Variants in ANXA4 observed in about 807,000 individuals in gnomAD.
ANXA4 encodes the protein annexin A4, also known as 35-beta calcimedin.
Under a neutral mutation model 49.8 loss-of-function variants are expected in ANXA4, and 39 were observed. The ratio of observed to expected loss-of-function variants is 0.78; its 90% CI spans 0.61 to 1.02. The LOEUF (loss-of-function observed/expected upper bound fraction) is 1.02. ANXA4 is among the 50% of genes least tolerant of loss of function. ANXA4 has a pLI of 0.00. For missense variants in ANXA4, 360 were observed against 410.1 expected (o/e 0.88, Z 1.05); for synonymous variants, 134 against 152.5 (o/e 0.88, Z 0.89).
At chr2:69,735,527 C>T (rs1329556205) in intron 3 of ANXA4, among the ~76,000 whole-genome samples, 1 of 152,072 alleles carries the variant, frequency 6.6e-6, no homozygotes, top group Non-Finnish European at 1.5e-5. Flanking sequence ...CCTTGTCTCT[C>T]AACTTGTTGG....
intron 2 of ANXA4, among the ~76,000 whole-genome samples, chr2:69,671,025 C>CAA (rs762968256): frequency 7.1e-3 from 226 of 32,014 alleles, no homozygotes; most frequent in Non-Finnish European, 7.8e-3. Context: ...GACTCCATCT[C>CAA]AAAAAAAAAA....
In ANXA4 at chr2:69,826,408, T is replaced by C. The variant is rs557411341; in HGVS notation, c.*893T>C. On this transcript the variant is annotated 3_prime_UTR_variant, in exon 13 of 13. Transcript: ENST00000394295. ...TTCTATTTGCACTGTGCCTTTCAAC[T>C]CCAGAAACATTCTGAAGATGTACTT... The C allele has an allele frequency of 6.5e-6, 1 of 152,770 alleles. No individual in the cohort carries two copies. Among genetic ancestry groups the C allele is most frequent in the East Asian group, 1.9e-4 (1 of 5,192 alleles). The allele number at this position is 152,770 out of a possible 1,614,324, so 9.5% of individuals were successfully genotyped here.
Position 69,804,596 on chromosome 2 carries a change from T to C in ANXA4, c.161T>C (p.Ile54Thr). The C allele has an allele frequency of 6.2e-7, 1 of 1,613,782 alleles. No individual in the cohort carries two copies. Among genetic ancestry groups the C allele is most frequent in the Non-Finnish European group, 8.5e-7 (1 of 1,179,878 alleles). ...AYRNTAQRQEIRTAYKSTIGR... is the reference protein window; with the variant it reads ...AYRNTAQRQETRTAYKSTIGR... ...CGCAACACCGCCCAGCGCCAGGAGA[T>C]CAGGACAGCCTACAAGAGCACCATC... Residue 54 changes from isoleucine to threonine, a missense_variant, in exon 4 of 13, where the codon ATC (isoleucine) becomes ACC (threonine). Physicochemically the swap from Ile to Thr is moderately conservative, Grantham distance 89. Coordinates refer to ENST00000394295, the MANE Select transcript of ANXA4 (RefSeq NM_001153.5).
intron 1 of ANXA4, chr2:69,781,223 A>G (rs1290592075): frequency 2.6e-6 from 1 of 385,880 alleles, no homozygotes; most frequent in Non-Finnish European, 4.8e-6. Context: ...GTCCAGCTTG[A>G]GTACAAGTAT....
chr2:69,657,484 A>G (rs1243300746), intron 2 of ANXA4, among the ~76,000 whole-genome samples: 1 of 152,046 alleles, frequency 6.6e-6, no homozygotes, highest in African/African-American at 2.4e-5. Flanking sequence ...TATTCGATGG[A>G]CTATATTCAC....
chr2:69,818,653 C>T lies in ANXA4; in HGVS notation c.683C>T (p.Ser228Phe). 6.2e-7 allele frequency: 1 copy of T among 1,610,170 alleles called. No individual in the cohort carries two copies. Among genetic ancestry groups the T allele is most frequent in the Non-Finnish European group, 8.5e-7 (1 of 1,177,828 alleles). Residue 228 changes from serine (S) to phenylalanine (F), a missense_variant, in exon 10 of 13, where the codon TCT becomes TTT. Physicochemically the swap from Ser to Phe is radical, Grantham distance 155. Coordinates refer to ENST00000394295, the MANE Select transcript of ANXA4 (RefSeq NM_001153.5). ...AAGGATATTGAACAGAGTATTAAAT[C>T]TGAAACATCTGGTAGCTTTGAAGAT... ...SQKDIEQSIK[S>F]ETSGSFEDAL...
chr2:69,698,640 G>A (rs1055624335), intron 2 of ANXA4, among the ~76,000 whole-genome samples: 8 of 152,124 alleles, frequency 5.3e-5, no homozygotes, highest in African/African-American at 1.9e-4. Flanking sequence ...TAGGTGGGGC[G>A]GGGCAGGACT....
At chr2:69,687,812 A>G (rs1454090021) in intron 2 of ANXA4, among the ~76,000 whole-genome samples, 1 of 152,140 alleles carries the variant, frequency 6.6e-6, no homozygotes, top group Non-Finnish European at 1.5e-5. Context: ...TCAATTTTAT[A>G]TCTAATCTTA....
At chr2:69,650,928 A>G (rs1676209269) in intron 1 of ANXA4, among the ~76,000 whole-genome samples, 1 of 152,174 alleles carries the variant, frequency 6.6e-6, no homozygotes, top group African/African-American at 2.4e-5. Context: ...TCATTTATTT[A>G]TTCATCAGTT....
intron 2 of ANXA4, among the ~76,000 whole-genome samples, chr2:69,783,259 C>T (rs1247349492): frequency 6.6e-6 from 1 of 151,538 alleles, no homozygotes; most frequent in Non-Finnish European, 1.5e-5. Context: ...AATCTGTTGC[C>T]CAGGCTGGAG....
chr2:69,736,446 A>G (rs1462482757), intron 3 of ANXA4, among the ~76,000 whole-genome samples: 1 of 152,226 alleles, frequency 6.6e-6, no homozygotes, highest in Non-Finnish European at 1.5e-5. Context: ...AGCACCTAGA[A>G]TACTGACTGG....
At chr2:69,764,901 A>G (rs1055444797) in intron 1 of ANXA4, among the ~76,000 whole-genome samples, 1 of 152,084 alleles carries the variant, frequency 6.6e-6, no homozygotes, top group African/African-American at 2.4e-5. Context: ...TATGAATTTG[A>G]CTACTTTGAG....
intron 8 of ANXA4, 134 bp downstream of exon 8, chr2:69,812,843 A>G (rs1363374042): frequency 1.1e-5 from 8 of 743,776 alleles, no homozygotes; most frequent in Non-Finnish European, 1.3e-5. Context: ...AAATATTCCC[A>G]CAGATAGCCT....
At chr2:69,662,989 T>TTCC (rs1464680717) in intron 2 of ANXA4, among the ~76,000 whole-genome samples, 2,220 of 139,634 alleles carry the variant, frequency 0.016, 68 homozygotes, top group African/African-American at 0.052. Flanking sequence ...GGTTTTTCTT[T>TTCC]TTCTTTTTTT....
intron 2 of ANXA4, among the ~76,000 whole-genome samples, chr2:69,678,895 AT>A (rs1213155540): frequency 1.3e-5 from 2 of 152,110 alleles, no homozygotes; most frequent in Non-Finnish European, 2.9e-5. Flanking sequence ...TAATAGTGAT[AT>A]TTAGCTATAT....
chr2:69,695,558 G>A (rs1319983746), intron 2 of ANXA4, among the ~76,000 whole-genome samples: 2 of 152,208 alleles, frequency 1.3e-5, no homozygotes, highest in Non-Finnish European at 2.9e-5. Context: ...TCTTGACAGT[G>A]ATTGAATGGA....
intron 2 of ANXA4, among the ~76,000 whole-genome samples, chr2:69,787,085 C>T (rs577103037): frequency 6.6e-6 from 1 of 152,120 alleles, no homozygotes; most frequent in Non-Finnish European, 1.5e-5. Context: ...TTGAAGCAAA[C>T]CCAAGACATC....
chr2:69,726,508 T>C (rs759025344), intron 3 of ANXA4, among the ~76,000 whole-genome samples: 9 of 152,314 alleles, frequency 5.9e-5, no homozygotes, highest in Non-Finnish European at 1.0e-4. Context: ...CCTAAAAGAT[T>C]GACTTCTTTA....
At chr2:69,803,055 G>A (rs886761620) in intron 3 of ANXA4, among the ~76,000 whole-genome samples, 3 of 151,752 alleles carry the variant, frequency 2.0e-5, no homozygotes, top group African/African-American at 7.3e-5. Context: ...AAAAAAATTA[G>A]CCAGGCATGG....
Sources: gnomAD v4.1 joint callset for allele counts (sites outside exome capture counted in the v4.1 genomes callset) on GRCh38, gnomAD v4.1.1 for gene constraint, MANE v1.5 for transcripts, NCBI Gene and HGNC (gene_info 2026-07-23, HGNC 2026-07-21) for gene names.